The following WSCD1 variants were observed in gnomAD, a reference collection of about 807,000 sequenced individuals.
The protein encoded by WSCD1 is WSC domain sialate O sulfotransferase 1, also known as sialate:O-sulfotransferase 1.
WSCD1 carries 41 observed loss-of-function variants against 60.4 expected under a neutral mutation model. The ratio of observed to expected loss-of-function variants is 0.68; its 90% CI spans 0.53 to 0.88. WSCD1 has a LOEUF of 0.88. WSCD1 is among the 40% of genes least tolerant of loss of function. The pLI is 0.00. For missense variants in WSCD1, 784 were observed against 796.2 expected (o/e 0.98, Z 0.18); for synonymous variants, 361 against 332.5 (o/e 1.09, Z -0.93).
At chr17:6,072,655 C>A (rs1340127103) in intron 1 of WSCD1, among the ~76,000 whole-genome samples, 2 of 152,186 alleles carry the variant, frequency 1.3e-5, no homozygotes, top group Non-Finnish European at 2.9e-5. Flanking sequence ...ACTAGCAGGG[C>A]CAGAGCTGGG....
At position 6,101,311 on chromosome 17, in the gene WSCD1, G is replaced by T. The variant is rs1910785047; in HGVS notation, c.849+6088G>T. On this transcript the variant is annotated intron_variant, in intron 5 of 8. Coordinates refer to ENST00000317744, the MANE Select transcript of WSCD1 (RefSeq NM_015253.2). The surrounding 1 kb of genome is among the most constrained non-coding windows in gnomAD (Gnocchi z 4.1). ...AATGTTTTCAAAGACTTTGATGATG[G>T]AAAATGCTCACAGTAGAATGTTAAA... Among the ~76,000 whole-genome samples the T allele has an allele frequency of 6.6e-6, 1 of 152,098 alleles. No individual in the cohort carries two copies. The highest frequency in any genetic ancestry group is 1.5e-5 in the Non-Finnish European group (1 of 68,034).
At chr17:6,108,937 CAA>C (rs1400695735) in intron 5 of WSCD1, among the ~76,000 whole-genome samples, 1 of 152,224 alleles carries the variant, frequency 6.6e-6, no homozygotes, top group Non-Finnish European at 1.5e-5. Context: ...TGGGTGGGAA[CAA>C]AGTCTGTTCT....
Position 6,120,465 on chromosome 17 carries a change from C to T in WSCD1, c.1532C>T (p.Ser511Phe), listed in dbSNP as rs755822927. ...LREMVAFLNV[S>F]VSEERLLCVE... ...GAGATGGTGGCCTTCCTCAACGTGT[C>T]TGTGAGCGAGGAGCGGCTGCTCTGC... Residue 511 changes from serine (S) to phenylalanine (F), a missense_variant, in exon 9 of 9, where the codon TCT (serine) becomes TTT (phenylalanine). By Grantham distance (155) the Ser-to-Phe change is radical (BLOSUM62 -2). Coordinates refer to ENST00000317744, the MANE Select transcript of WSCD1 (RefSeq NM_015253.2). 6.2e-7 allele frequency: 1 copy of T among 1,614,052 alleles called. No homozygotes were observed. The highest frequency in any genetic ancestry group is 8.5e-7 in the Non-Finnish European group (1 of 1,179,988).
At chr17:6,115,495 C>T (rs1246536679) in intron 7 of WSCD1, among the ~76,000 whole-genome samples, 1 of 149,092 alleles carries the variant, frequency 6.7e-6, no homozygotes, top group Non-Finnish European at 1.5e-5. Flanking sequence ...TCAGACAAGT[C>T]CATTGGCATC....
intron 4 of WSCD1, among the ~76,000 whole-genome samples, chr17:6,092,280 A>AT (rs1910109039): frequency 6.6e-6 from 1 of 152,108 alleles, no homozygotes; most frequent in Non-Finnish European, 1.5e-5. Flanking sequence ...GGGTGAACCT[A>AT]AAGGCCACCC....
At chr17:6,104,844 T>G (rs543802473) in intron 5 of WSCD1, among the ~76,000 whole-genome samples, 2 of 152,318 alleles carry the variant, frequency 1.3e-5, no homozygotes, top group African/African-American at 2.4e-5. Flanking sequence ...CTGGCTCCTT[T>G]TCCCACTCAC....
chr17:6,081,176 T>G, intron 2 of WSCD1, 91 bp downstream of exon 2: 609 of 1,213,000 alleles, frequency 5.0e-4, no homozygotes, highest in Non-Finnish European at 6.1e-4. Flanking sequence ...TGCAGGCCTG[T>G]GGCCTTCACC....
chr17:6,117,942 C>T, intron 7 of WSCD1, 46 bp from the exon 8 acceptor site: 2 of 1,599,280 alleles, frequency 1.3e-6, no homozygotes, highest in Non-Finnish European at 1.7e-6. Context: ...GTAGGGTGCC[C>T]CATGGACACC....
chr17:6,091,682 C>T (rs913137237), intron 4 of WSCD1, among the ~76,000 whole-genome samples: 12 of 152,134 alleles, frequency 7.9e-5, no homozygotes, highest in Non-Finnish European at 1.5e-4. Flanking sequence ...CTGGGAGAGG[C>T]AGATTGGGAA....
At chr17:6,073,357 G>A (rs1023860721) in intron 1 of WSCD1, among the ~76,000 whole-genome samples, 15 of 152,206 alleles carry the variant, frequency 9.9e-5, no homozygotes, top group Non-Finnish European at 1.6e-4. Flanking sequence ...CAGGCCAGGC[G>A]TGGTGGCTCA....
At chr17:6,104,014 G>A (rs543200703) in intron 5 of WSCD1, among the ~76,000 whole-genome samples, 1 of 152,186 alleles carries the variant, frequency 6.6e-6, no homozygotes, top group Non-Finnish European at 1.5e-5. Flanking sequence ...GGCTTATTTG[G>A]CTCATGGTTC....
chr17:6,114,640 C>A (rs371633246), intron 7 of WSCD1, among the ~76,000 whole-genome samples: 6 of 151,632 alleles, frequency 4.0e-5, no homozygotes, highest in African/African-American at 1.5e-4. Context: ...ACTTATCATG[C>A]ATCAGTTTAA....
At chr17:6,076,684 A>G (rs1908884288) in intron 1 of WSCD1, among the ~76,000 whole-genome samples, 1 of 152,228 alleles carries the variant, frequency 6.6e-6, no homozygotes. Context: ...AGGTAGGTTT[A>G]CTGTCATGGA....
intron 2 of WSCD1, among the ~76,000 whole-genome samples, chr17:6,086,674 C>G (rs1268588240): frequency 6.6e-6 from 1 of 152,034 alleles, no homozygotes; most frequent in South Asian, 2.1e-4. Context: ...TATTTAGGCT[C>G]TCTGCTAAGT....
At chr17:6,088,940 G>A (rs913357065) in intron 3 of WSCD1, among the ~76,000 whole-genome samples, 1 of 151,606 alleles carries the variant, frequency 6.6e-6, no homozygotes, top group African/African-American at 2.4e-5. Context: ...CCACCACCAC[G>A]CCCGGCTAAT....
chr17:6,085,501 C>G (rs1909575231), intron 2 of WSCD1, among the ~76,000 whole-genome samples: 1 of 152,098 alleles, frequency 6.6e-6, no homozygotes, highest in South Asian at 2.1e-4. Flanking sequence ...AGTTGAGGCT[C>G]AGAGAGAGGC....
chr17:6,117,604 G>C (rs998397398), intron 7 of WSCD1, among the ~76,000 whole-genome samples: 1 of 152,236 alleles, frequency 6.6e-6, no homozygotes, highest in African/African-American at 2.4e-5. Context: ...TATGTTTGCA[G>C]CTATGGTTAA....
chr17:6,086,731 G>C (rs1352419998), intron 2 of WSCD1, among the ~76,000 whole-genome samples: 1 of 152,100 alleles, frequency 6.6e-6, no homozygotes, highest in African/African-American at 2.4e-5. Context: ...TGGATGGTTG[G>C]CAGACTTCCT....
chr17:6,069,782 T>C (rs1908409944), upstream of WSCD1, among the ~76,000 whole-genome samples: 1 of 92,010 alleles, frequency 1.1e-5, no homozygotes. Flanking sequence ...CCGGTGTGTG[T>C]GTGTGTGTGT....
Sources: allele counts gnomAD v4.1 joint callset (sites outside exome capture counted in the v4.1 genomes callset), GRCh38; gene constraint gnomAD v4.1.1; non-coding constraint Gnocchi (gnomAD v3.1); transcripts MANE v1.5; gene names NCBI Gene and HGNC (gene_info 2026-07-23, HGNC 2026-07-21).